The following PHF20L1 variants were observed in gnomAD, a reference collection of about 807,000 sequenced individuals.
The protein encoded by PHF20L1 is PHD finger protein 20-like protein 1.
In PHF20L1, 44 loss-of-function variants were observed where a neutral mutation model predicts 125.5. The ratio of observed to expected loss-of-function variants is 0.35; its 90% confidence interval spans 0.28 to 0.45. The LOEUF (loss-of-function observed/expected upper bound fraction) is 0.45. PHF20L1 is among the 20% of genes least tolerant of loss of function. The pLI, the probability that PHF20L1 is intolerant of heterozygous loss-of-function variation, is 1.00. For synonymous variants in PHF20L1, 380 were observed against 403.1 expected, an observed-to-expected ratio of 0.94 and a Z score of 0.69; for missense variants, 1,012 against 1,217.2, an observed-to-expected ratio of 0.83 and a Z score of 2.51.
chr8:132,833,825 G>C (rs781743260), intron 15 of PHF20L1, among the ~76,000 whole-genome samples: 11 of 152,046 alleles, frequency 7.2e-5, no homozygotes, highest in Non-Finnish European at 1.6e-4. Flanking sequence ...TCAGGAGAAA[G>C]AAAAGGAAAA....
At chr8:132,782,879 A>G (rs1438311836) in intron 2 of PHF20L1, among the ~76,000 whole-genome samples, 2 of 151,128 alleles carry the variant, frequency 1.3e-5, no homozygotes, top group East Asian at 1.9e-4. Flanking sequence ...CCAAAGTTGT[A>G]GACAGTCTTT....
At chr8:132,777,419 G>A (rs1314410696) in intron 1 of PHF20L1, among the ~76,000 whole-genome samples, 1 of 152,156 alleles carries the variant, frequency 6.6e-6, no homozygotes, top group Admixed American at 6.5e-5. Context: ...AGAACACTCA[G>A]CTGTCTTAAT....
At chr8:132,822,952 G>A (rs1265391617) in intron 12 of PHF20L1, among the ~76,000 whole-genome samples, 1 of 151,834 alleles carries the variant, frequency 6.6e-6, no homozygotes, top group Non-Finnish European at 1.5e-5. Flanking sequence ...ATGTACTGTA[G>A]TATTTTTCTT....
intron 6 of PHF20L1, chr8:132,799,691 A>T (rs1231528039): frequency 6.6e-6 from 1 of 152,030 alleles, no homozygotes; most frequent in Admixed American, 6.6e-5. Flanking sequence ...TCTGAAATGT[A>T]TTGAAATTAC....
rs935178916 is a variant in PHF20L1, at chr8:132,846,443, T to C, written c.*520T>C. 2.6e-5 allele frequency: 4 copies of C among 152,584 alleles called. No homozygotes were observed. The highest frequency in any genetic ancestry group is 9.7e-5 in the African/African-American group (4 of 41,448). The allele number at this position is 152,584 out of a possible 1,614,324, so 9.5% of individuals were successfully genotyped here. ...GGGTATTTAAACTTTTAAAGGATCA[T>C]GAGCTGTTTCTTGGGCGATGAATGT... On this transcript the variant is annotated 3_prime_UTR_variant, in exon 21 of 21. Transcript: ENST00000395386.
In PHF20L1 at chr8:132,843,857, C is replaced by T. The variant is rs1353199381; in HGVS notation, c.2749-299C>T. ...GAGGAAGAGGCCAGTCTAAATTAAT[C>T]AGGAATTCTAATTACACAATAGAAT... On this transcript the variant is annotated intron_variant, in intron 19 of 20. Coordinates refer to ENST00000395386, the MANE Select transcript of PHF20L1 (RefSeq NM_016018.5). 25 of 985,058 alleles carry T rather than the reference C, an allele frequency of 2.5e-5. No individual in the cohort carries two copies. The Admixed American group carries it at 6.2e-4, about 24-fold the overall frequency. The allele number at this position is 985,058 out of a possible 1,614,324, so 61.0% of individuals were successfully genotyped here.
intron 2 of PHF20L1, among the ~76,000 whole-genome samples, chr8:132,790,473 A>T (rs1831559144): frequency 6.6e-6 from 1 of 152,200 alleles, no homozygotes; most frequent in Non-Finnish European, 1.5e-5. Context: ...TTTCTGTAGA[A>T]TAAAGGATTG....
chr8:132,776,600 T>A (rs922520815), intron 1 of PHF20L1, among the ~76,000 whole-genome samples: 4 of 152,212 alleles, frequency 2.6e-5, no homozygotes, highest in African/African-American at 9.6e-5. Flanking sequence ...CATATTTTCA[T>A]GGCCAGTATT....
chr8:132,812,699 G>A (rs915766958), intron 9 of PHF20L1: 9 of 984,408 alleles, frequency 9.1e-6, no homozygotes, highest in African/African-American at 7.0e-5. Flanking sequence ...TGTTAGCCTC[G>A]CTTCATAGTT....
intron 20 of PHF20L1, 152 bp from the exon 21 acceptor site, chr8:132,845,629 T>C (rs1462380992): frequency 3.3e-6 from 2 of 608,560 alleles, no homozygotes; most frequent in Admixed American, 2.8e-5. Context: ...GACAGGACGC[T>C]AACCTCTCGG....
intron 13 of PHF20L1, 96 bp downstream of exon 13, chr8:132,824,156 C>A: frequency 1.4e-6 from 1 of 717,312 alleles, no homozygotes; most frequent in Non-Finnish European, 2.4e-6. Context: ...TTAATGCTAC[C>A]TTAGGTGTAA....
intron 2 of PHF20L1, among the ~76,000 whole-genome samples, chr8:132,782,698 C>T (rs1019322817): frequency 1.3e-5 from 2 of 152,100 alleles, no homozygotes; most frequent in Middle Eastern, 3.2e-3. Flanking sequence ...AAGCCATCCT[C>T]CTGCTTCAAC....
rs993612737 is a variant in PHF20L1, at chr8:132,821,710, A to G, written c.1580-2294A>G. On this transcript the variant is annotated intron_variant, in intron 12 of 20. Coordinates refer to ENST00000395386, the MANE Select transcript of PHF20L1 (RefSeq NM_016018.5). ...CAGAAGAGGCTTGAGAAATCACTCT[A>G]CATTACTAGTTTTTTGAGTTGTGTG... is the stretch of plus-strand genomic sequence containing the variant. 7.9e-5 allele frequency among the ~76,000 whole-genome samples: 12 copies of G among 151,828 alleles called. No homozygotes were observed. The South Asian group carries it at 1.7e-3, about 21-fold the overall frequency.
rs373280168 is a variant in PHF20L1 at position 132,842,893 on chromosome 8, T to A, written c.2748+18T>A. On this transcript the variant is annotated intron_variant, in intron 19 of 20. Transcript: ENST00000395386. The stretch of plus-strand genomic sequence containing the variant: ...CTGAAAAGGTAAAACTAGTTCATTT[T>A]TCTTTGCTTGGAAACTATGAGAGAA... The A allele has an allele frequency of 1.9e-6, 3 of 1,576,088 alleles. No homozygotes were observed. The highest frequency in any genetic ancestry group is 2.6e-6 in the Non-Finnish European group (3 of 1,162,902).
chr8:132,785,168 C>T (rs1586854389), intron 2 of PHF20L1, among the ~76,000 whole-genome samples: 1 of 152,152 alleles, frequency 6.6e-6, no homozygotes, highest in African/African-American at 2.4e-5. Context: ...CCAGCCATCA[C>T]GTATCACACA....
chr8:132,797,723 A>C (rs1832572571), intron 4 of PHF20L1, among the ~76,000 whole-genome samples: 3 of 152,052 alleles, frequency 2.0e-5, no homozygotes, highest in Admixed American at 2.0e-4. Context: ...TAATTATAGA[A>C]AGAAATAAAA....
rs370614241 is a variant in PHF20L1 at position 132,798,851 on chromosome 8, T to C, written c.420T>C (p.Ala140=). 6.2e-6 allele frequency: 10 copies of C among 1,605,418 alleles called. No individual in the cohort carries two copies. The African/African-American group carries it at 1.1e-4, about 17-fold the overall frequency. ...ACATTAAAGCCATGCCCGAGGATGCTAAGGGGCAGGTAAGAGTGTTCAGTA... is the reference window on the plus strand; with the variant it reads ...ACATTAAAGCCATGCCCGAGGATGCCAAGGGGCAGGTAAGAGTGTTCAGTA... ...RMHIKAMPED[A]KGQVKSQHPL... Residue 140 remains alanine, a synonymous_variant, in exon 5 of 21, where the codon GCT becomes GCC. Transcript: ENST00000395386.
In PHF20L1 at chr8:132,847,008, T is replaced by A. The variant is rs920793072; in HGVS notation, c.*1085T>A. 6.6e-6 allele frequency: 1 copy of A among 152,514 alleles called. No individual in the cohort carries two copies. The highest frequency in any genetic ancestry group is 6.6e-5 in the Admixed American group (1 of 15,256). The allele number at this position is 152,514 out of a possible 1,614,324, so 9.4% of individuals were successfully genotyped here. A position where few individuals can be genotyped will look rare whatever the true frequency, so the allele number is the denominator to read the frequency against. ...GCACACTCAAAACTTTTAGCTTTGA[T>A]CACAAGTGGACAAATTTCTGAAACC... On this transcript the variant is annotated 3_prime_UTR_variant, in exon 21 of 21. Coordinates refer to ENST00000395386, the MANE Select transcript of PHF20L1 (RefSeq NM_016018.5).
intron 2 of PHF20L1, among the ~76,000 whole-genome samples, chr8:132,781,062 G>C (rs1309753107): frequency 6.6e-6 from 1 of 151,976 alleles, no homozygotes; most frequent in Non-Finnish European, 1.5e-5. Context: ...TATTGCCCAG[G>C]CTGGTCTGGA....
Sources: gnomAD v4.1 joint callset for allele counts (sites outside exome capture counted in the v4.1 genomes callset) on GRCh38, gnomAD v4.1.1 for gene constraint, MANE v1.5 for transcripts, NCBI Gene and HGNC (gene_info 2026-07-23, HGNC 2026-07-21) for gene names.